Variants in TMEM135 observed in about 807,000 individuals in gnomAD.
TMEM135 encodes transmembrane protein 135, also known as peroxisomal membrane protein 52.
In TMEM135, 30 loss-of-function variants were observed where a neutral mutation model predicts 60.3. The ratio of observed to expected loss-of-function variants is 0.50; its 90% confidence interval spans 0.37 to 0.68. The LOEUF (loss-of-function observed/expected upper bound fraction) is 0.68, where lower values mean the gene tolerates loss of function less well. Ranked by LOEUF, TMEM135 falls within the 30% of genes least tolerant of loss-of-function variation. TMEM135 has a pLI of 0.00. For missense variants in TMEM135, 468 were observed against 548.8 expected, an observed-to-expected ratio of 0.85 and a Z score of 1.47; for synonymous variants, 190 against 186.7, an observed-to-expected ratio of 1.02 and a Z score of -0.14.
chr11:87,157,046 G>T (rs1938715275), intron 4 of TMEM135, among the ~76,000 whole-genome samples: 1 of 149,476 alleles, frequency 6.7e-6, no homozygotes, highest in Non-Finnish European at 1.5e-5. Context: ...TAGTTGCGTT[G>T]CATTTCTTTT....
intron 4 of TMEM135, among the ~76,000 whole-genome samples, chr11:87,147,861 G>A (rs557865543): frequency 2.7e-4 from 41 of 152,250 alleles, no homozygotes; most frequent in African/African-American, 9.4e-4. Flanking sequence ...GGGTTCAAGT[G>A]ATTCTCCTGC....
At chr11:87,272,258 G>A (rs1049676168) in intron 6 of TMEM135, among the ~76,000 whole-genome samples, 8 of 151,564 alleles carry the variant, frequency 5.3e-5, no homozygotes, top group East Asian at 2.0e-4. Flanking sequence ...GTTTCACCAG[G>A]TTGGTCAGAC....
At chr11:87,176,558 G>A (rs1939373391) in intron 5 of TMEM135, among the ~76,000 whole-genome samples, 1 of 152,188 alleles carries the variant, frequency 6.6e-6, no homozygotes, top group South Asian at 2.1e-4. Flanking sequence ...GAACAGAGAA[G>A]ATTTGTATTT....
chr11:87,116,700 A>T (rs1426535943), intron 4 of TMEM135, among the ~76,000 whole-genome samples: 1 of 152,086 alleles, frequency 6.6e-6, no homozygotes, highest in African/African-American at 2.4e-5. Flanking sequence ...ATGGGTTTGG[A>T]TCTAGACCAC....
intron 5 of TMEM135, among the ~76,000 whole-genome samples, chr11:87,159,617 A>ACACACACACACACACACACACCCCCC (rs140303858): frequency 2.0e-5 from 3 of 149,344 alleles, no homozygotes; most frequent in Admixed American, 1.3e-4. Context: ...ACACACACAC[A>ACACACACACACACACACACACCCCCC]CCATAGATTT....
intron 5 of TMEM135, among the ~76,000 whole-genome samples, chr11:87,181,880 A>G (rs1405444886): frequency 1.3e-5 from 2 of 151,982 alleles, no homozygotes; most frequent in African/African-American, 4.8e-5. Context: ...AGATTCTTTT[A>G]TAAGAATTGA....
At position 87,147,683 on chromosome 11, in the gene TMEM135, G is replaced by A. The variant is rs145675608; in HGVS notation, c.397-9658G>A. Among the ~76,000 whole-genome samples the A allele has an allele frequency of 9.2e-5, 14 of 152,258 alleles. No homozygotes were observed. In the East Asian group the frequency reaches 2.7e-3, roughly 29 times the overall value. On this transcript the variant is annotated intron_variant, in intron 4 of 14. Transcript: ENST00000305494. ...ACACACACAAAAGTCCAATCCAGAA[G>A]TTTGCATTTATTACATCTAGGTTTT...
rs375976285 is a variant in TMEM135 at position 87,083,789 on chromosome 11, A to T, written c.363-7573A>T. ...TTCTATTAATTCCTATGCCTCAAGGAAGTATTTTTATACCTTCTAAAACAT... is the reference window on the plus strand; with the variant it reads ...TTCTATTAATTCCTATGCCTCAAGGTAGTATTTTTATACCTTCTAAAACAT... On this transcript the variant is annotated intron_variant, in intron 3 of 14. Coordinates refer to ENST00000305494, the MANE Select transcript of TMEM135 (RefSeq NM_022918.4). Among the ~76,000 whole-genome samples, 15 of 152,242 alleles carry T rather than the reference A, an allele frequency of 9.9e-5. No homozygotes were observed. The South Asian group carries it at 3.1e-3, about 32-fold the overall frequency.
At chr11:87,199,582 G>A (rs1940047708) in intron 5 of TMEM135, among the ~76,000 whole-genome samples, 1 of 152,150 alleles carries the variant, frequency 6.6e-6, no homozygotes, top group Non-Finnish European at 1.5e-5. Flanking sequence ...TTCTAGTTGA[G>A]GCATTTGAGG....
At chr11:87,092,773 C>T (rs1415231129) in intron 4 of TMEM135, among the ~76,000 whole-genome samples, 2 of 37,452 alleles carry the variant, frequency 5.3e-5, no homozygotes, top group Non-Finnish European at 9.3e-5. Flanking sequence ...AAAGATAATC[C>T]TTTATCTTTG....
At position 87,327,609 on chromosome 11, in the gene TMEM135, T is replaced by C; in HGVS notation, c.*6276T>C. On this transcript the variant is annotated 3_prime_UTR_variant, in exon 15 of 15. Transcript: ENST00000305494. ...TTAAGGGAGTTGGCTCATGTGATTG[T>C]GGAGGCTGAGAAACCCCACCACAGG... The C allele has an allele frequency of 2.2e-6, 1 of 453,182 alleles. No homozygotes were observed. The highest frequency in any genetic ancestry group is 1.6e-5 in the South Asian group (1 of 64,416). 28.1% of individuals were successfully genotyped at this position (453,182 alleles called of 1,614,324 possible). A position where few individuals can be genotyped will look rare whatever the true frequency, so the allele number is the denominator to read the frequency against.
intron 5 of TMEM135, among the ~76,000 whole-genome samples, chr11:87,192,944 G>C (rs554013093): frequency 6.6e-6 from 1 of 151,948 alleles, no homozygotes; most frequent in Non-Finnish European, 1.5e-5. Context: ...GGAAAACCCC[G>C]TCTCTACTAA....
intron 6 of TMEM135, among the ~76,000 whole-genome samples, chr11:87,254,751 C>G (rs1053509087): frequency 3.3e-5 from 5 of 152,156 alleles, no homozygotes; most frequent in Admixed American, 3.3e-4. Flanking sequence ...AGCTACTCCA[C>G]AATCCCATAT....
At chr11:87,313,584 T>A in intron 11 of TMEM135, 96 bp downstream of exon 11, 1 of 1,066,060 alleles carries the variant, frequency 9.4e-7, no homozygotes, top group African/African-American at 1.6e-5. Context: ...TCTATGAATC[T>A]TCCTTTCTCT....
Position 87,293,401 on chromosome 11 carries a change from C to CAA in TMEM135, c.510-2380_510-2379dup, listed in dbSNP as rs35864901. 3.7e-4 allele frequency among the ~76,000 whole-genome samples: 56 copies of CAA among 151,342 alleles called. No individual in the cohort carries two copies. The Middle Eastern group carries it at 0.01, about 28-fold the overall frequency. ...GTGTTTTTTTTTCTTCTTAAAAAAA[C>CAA]AACAAAAAACGAGATACATGTGCAG... On this transcript the variant is annotated intron_variant, in intron 6 of 14. Transcript: ENST00000305494.
At chr11:87,269,793 C>T (rs967113604) in intron 6 of TMEM135, among the ~76,000 whole-genome samples, 4 of 150,492 alleles carry the variant, frequency 2.7e-5, no homozygotes, top group South Asian at 4.2e-4. Context: ...TGAATAGTGC[C>T]GCAATAAACA....
In TMEM135 at chr11:87,268,403, A is replaced by T. The variant is rs559298169; in HGVS notation, c.510-27379A>T. The stretch of plus-strand genomic sequence containing the variant: ...AGTGTTGGGATTACAGGTGTGAACC[A>T]CCATGCCAGGCCCCTGCTCCTTTCT... On this transcript the variant is annotated intron_variant, in intron 6 of 14. Transcript: ENST00000305494. Among the ~76,000 whole-genome samples the T allele has an allele frequency of 6.0e-4, 91 of 152,112 alleles. 1 individual carries two copies. Among genetic ancestry groups the T allele is most frequent in the African/African-American group, 1.8e-3 (75 of 41,546 alleles).
At chr11:87,076,446 C>G (rs1350058627) in intron 3 of TMEM135, among the ~76,000 whole-genome samples, 2 of 152,236 alleles carry the variant, frequency 1.3e-5, no homozygotes, top group Non-Finnish European at 2.9e-5. Flanking sequence ...GGCCCCCCCT[C>G]TGGCCTAGGG....
intron 5 of TMEM135, among the ~76,000 whole-genome samples, chr11:87,220,255 CTATTTGT>C (rs1940589102): frequency 6.6e-6 from 1 of 152,118 alleles, no homozygotes; most frequent in Non-Finnish European, 1.5e-5. Flanking sequence ...ATTAATCAAA[CTATTTGT>C]TATTAAAGAC....
Sources: allele counts gnomAD v4.1 joint callset (sites outside exome capture counted in the v4.1 genomes callset), GRCh38; gene constraint gnomAD v4.1.1; transcripts MANE v1.5; gene names NCBI Gene and HGNC (gene_info 2026-07-23, HGNC 2026-07-21).